The following RUFY2 variants were observed in gnomAD, a reference collection of about 807,000 sequenced individuals.
RUFY2 encodes the protein RUN and FYVE domain-containing protein 2.
RUFY2 carries 49 observed loss-of-function variants against 94.4 expected under a neutral mutation model. The observed-to-expected ratio is 0.52, with a 90% CI of 0.41 to 0.66. The LOEUF is 0.66. RUFY2 is among the 30% of genes least tolerant of loss of function. The pLI, the probability that RUFY2 is intolerant of heterozygous loss-of-function variation, is 0.00. For synonymous variants in RUFY2, 255 were observed against 235.7 expected (o/e 1.08, Z -0.75); for missense variants, 541 against 692.8 (o/e 0.78, Z 2.46).
intron 3 of RUFY2, 52 bp downstream of exon 3, chr10:68,401,568 A>G: frequency 6.3e-6 from 7 of 1,114,616 alleles, no homozygotes; most frequent in Admixed American, 1.7e-5. Context: ...CTTTGGAGGA[A>G]CAATGAATAC....
intron 13 of RUFY2, among the ~76,000 whole-genome samples, chr10:68,371,293 G>A (rs554222043): frequency 6.6e-6 from 1 of 151,978 alleles, no homozygotes; most frequent in Non-Finnish European, 1.5e-5. Context: ...GTGGTGGTAG[G>A]TGCCTATAAT....
intron 15 of RUFY2, among the ~76,000 whole-genome samples, chr10:68,359,358 G>GTATACATATACGTATATATGTGTGTATA (rs1554878609): frequency 3.8e-5 from 5 of 131,586 alleles, no homozygotes; most frequent in Non-Finnish European, 8.3e-5. Flanking sequence ...ATATACATAT[G>GTATACATATACGTATATATGTGTGTATA]TATACATATA....
At position 68,406,688 on chromosome 10, in the gene RUFY2, C is replaced by T. The variant is rs1295991127; in HGVS notation, c.4+498G>A. On this transcript the variant is annotated intron_variant, in intron 1 of 17. Coordinates refer to ENST00000602465, the MANE Select transcript of RUFY2 (RefSeq NM_001330103.2). Reference sequence around the variant, plus strand: ...AGCCCCTTCCCTGCCTCTCTTCCTGCCCCCTCCCCCCAGCAAGGCTGCCCA... The same window carrying T: ...AGCCCCTTCCCTGCCTCTCTTCCTGTCCCCTCCCCCCAGCAAGGCTGCCCA... 5 of 1,400,660 alleles carry T rather than the reference C, an allele frequency of 3.6e-6. No individual in the cohort carries two copies. In the African/African-American group the frequency reaches 4.3e-5, roughly 12 times the overall value. 86.8% of individuals were successfully genotyped at this position (1,400,660 alleles called of 1,614,324 possible). A position where few individuals can be genotyped will look rare whatever the true frequency, so the allele number is the denominator to read the frequency against.
intron 12 of RUFY2, chr10:68,378,303 G>A (rs2048800288): frequency 8.6e-7 from 1 of 1,162,558 alleles, no homozygotes. Flanking sequence ...AGATAAAACT[G>A]CATTTGAAAA....
At chr10:68,345,971 C>T in intron 17 of RUFY2, 36 bp downstream of exon 17, 1 of 1,611,710 alleles carries the variant, frequency 6.2e-7, no homozygotes, top group Non-Finnish European at 8.5e-7. Flanking sequence ...CATTTTTGCA[C>T]TCCAAATTTT....
chr10:68,368,209 CGCCT>C (rs2048001480), intron 13 of RUFY2, among the ~76,000 whole-genome samples: 1 of 151,434 alleles, frequency 6.6e-6, no homozygotes, highest in South Asian at 2.1e-4. Context: ...CCTCATGATC[CGCCT>C]GCCTCAGCCT....
At chr10:68,380,807 C>T (rs1022487541) in intron 11 of RUFY2, among the ~76,000 whole-genome samples, 4 of 151,850 alleles carry the variant, frequency 2.6e-5, no homozygotes, top group Non-Finnish European at 5.9e-5. Flanking sequence ...GGTTGCAGTG[C>T]GTCGAGATCT....
intron 13 of RUFY2, among the ~76,000 whole-genome samples, chr10:68,365,741 A>G (rs567723321): frequency 2.0e-5 from 3 of 152,330 alleles, no homozygotes; most frequent in South Asian, 2.1e-4. Flanking sequence ...CATATCAAGT[A>G]GCCTATGATA....
downstream of RUFY2, chr10:68,341,374 A>C: frequency 6.6e-7 from 1 of 1,510,768 alleles, no homozygotes; most frequent in Non-Finnish European, 9.0e-7. Context: ...AAGAGGCTCT[A>C]AGATCTGTAG....
chr10:68,401,772 A>T, intron 2 of RUFY2, 35 bp from the exon 3 acceptor site: 1 of 1,197,852 alleles, frequency 8.3e-7, no homozygotes, highest in Non-Finnish European at 1.2e-6. Flanking sequence ...CACAATGTCA[A>T]CATAAAAAAC....
At chr10:68,400,198 C>A (rs1463193609) in intron 3 of RUFY2, among the ~76,000 whole-genome samples, 1 of 152,034 alleles carries the variant, frequency 6.6e-6, no homozygotes, top group Non-Finnish European at 1.5e-5. Context: ...TGCCTGTAAT[C>A]CCAGCTACTT....
intron 7 of RUFY2, among the ~76,000 whole-genome samples, chr10:68,388,851 A>G (rs2049749641): frequency 2.4e-5 from 3 of 125,130 alleles, no homozygotes; most frequent in Middle Eastern, 8.6e-3. Flanking sequence ...AAAAAAAAAA[A>G]AAAGAAAAGA....
chr10:68,399,506 T>A (rs2050653014), intron 3 of RUFY2, among the ~76,000 whole-genome samples: 1 of 152,220 alleles, frequency 6.6e-6, no homozygotes, highest in Non-Finnish European at 1.5e-5. Flanking sequence ...GTAAAACAGG[T>A]ACCTTATTAC....
At chr10:68,369,285 G>C (rs2048079113) in intron 13 of RUFY2, among the ~76,000 whole-genome samples, 1 of 152,094 alleles carries the variant, frequency 6.6e-6, no homozygotes, top group African/African-American at 2.4e-5. Context: ...AGGAGTTTGA[G>C]ACCAGCCTGG....
chr10:68,392,757 C>A (rs1303758172), intron 7 of RUFY2, among the ~76,000 whole-genome samples: 7 of 135,044 alleles, frequency 5.2e-5, no homozygotes, highest in Non-Finnish European at 1.5e-5. Context: ...CCCGTCTCTA[C>A]TAAAATACAA....
rs2132714332 is a variant in RUFY2, at chr10:68,378,351, T to C, written c.1205+1073A>G. The C allele has an allele frequency of 4.9e-6, 6 of 1,222,402 alleles. No homozygotes were observed. The African/African-American group carries it at 9.3e-5, about 19-fold the overall frequency. 75.7% of individuals were successfully genotyped at this position (1,222,402 alleles called of 1,614,324 possible). A position where few individuals can be genotyped will look rare whatever the true frequency, so the allele number is the denominator to read the frequency against. On this transcript the variant is annotated intron_variant, in intron 12 of 17. Coordinates refer to ENST00000602465, the MANE Select transcript of RUFY2 (RefSeq NM_001330103.2). The stretch of plus-strand genomic sequence containing the variant: ...AAGGGTCAATACTCAAATCACCCTT[T>C]GTGCACAAGGTTTGAGGAACGTATG...
intron 1 of RUFY2, 108 bp downstream of exon 1, chr10:68,407,078 C>T (rs1246730874): frequency 1.1e-5 from 17 of 1,494,326 alleles, no homozygotes; most frequent in Non-Finnish European, 1.5e-5. Context: ...GCCCCAGTTC[C>T]GACTGGCGGC....
At position 68,376,442 on chromosome 10, in the gene RUFY2, G is replaced by GTATA. The variant is rs764172830; in HGVS notation, c.1325+407_1325+410dup. Among the ~76,000 whole-genome samples the GTATA allele has an allele frequency of 3.9e-3, 110 of 27,900 alleles. 5 individuals are homozygous for GTATA. The highest frequency in any genetic ancestry group is 6.0e-3 in the Non-Finnish European group (60 of 10,020). 18.3% of individuals were successfully genotyped at this position (27,900 alleles called of 152,430 possible). The stretch of plus-strand genomic sequence containing the variant: ...GAAACTTCATCTCAAAAAAATGTGT[G>GTATA]TATATATATATATATATATATATAT... On this transcript the variant is annotated intron_variant, in intron 13 of 17. Coordinates refer to ENST00000602465, the MANE Select transcript of RUFY2 (RefSeq NM_001330103.2).
chr10:68,376,323 G>T (rs546954551), intron 13 of RUFY2, among the ~76,000 whole-genome samples: 2 of 136,248 alleles, frequency 1.5e-5, no homozygotes, highest in African/African-American at 5.4e-5. Context: ...GCTACTCAGG[G>T]GGCTGAGGCA....
Sources: gnomAD v4.1 joint callset for allele counts (sites outside exome capture counted in the v4.1 genomes callset) on GRCh38, gnomAD v4.1.1 for gene constraint, MANE v1.5 for transcripts, NCBI Gene and HGNC (gene_info 2026-07-23, HGNC 2026-07-21) for gene names.